MYO16: variants seen among roughly 807,000 people sequenced by gnomAD.
The protein encoded by MYO16 is unconventional myosin-XVI.
In MYO16, 94 loss-of-function variants were observed where a neutral mutation model predicts 205.3. The observed-to-expected ratio is 0.46, with a 90% CI of 0.39 to 0.54. The LOEUF is 0.54. Ranked by LOEUF, MYO16 falls within the 20% of genes least tolerant of loss-of-function variation. The pLI, the probability that MYO16 is intolerant of heterozygous loss-of-function variation, is 0.00. For synonymous variants in MYO16, 988 were observed against 954.0 expected, an observed-to-expected ratio of 1.04 and a Z score of -0.66; for missense variants, 2,315 against 2,387.5, an observed-to-expected ratio of 0.97 and a Z score of 0.63.
the MYO16 span, among the ~76,000 whole-genome samples, chr13:108,548,175 A>C: frequency 1.3e-5 from 2 of 151,998 alleles, no homozygotes; most frequent in East Asian, 3.9e-4. Flanking sequence ...TTACAAGTGT[A>C]CCATGGTGTA....
At chr13:108,776,231 C>T (rs1021484732) in intron 4 of MYO16, among the ~76,000 whole-genome samples, 3 of 152,114 alleles carry the variant, frequency 2.0e-5, no homozygotes, top group Non-Finnish European at 2.9e-5. Flanking sequence ...TGTTTTTATT[C>T]ATGGAGGCGA....
At chr13:108,580,550 C>G in the MYO16 span, among the ~76,000 whole-genome samples, 1 of 152,238 alleles carries the variant, frequency 6.6e-6, no homozygotes, top group South Asian at 2.1e-4. Flanking sequence ...GTAAAACTGA[C>G]ATATACACGT....
chr13:109,093,762 T>C (rs1399918526), intron 27 of MYO16, among the ~76,000 whole-genome samples: 2 of 152,168 alleles, frequency 1.3e-5, no homozygotes. Flanking sequence ...GCCATTGCCT[T>C]GGACCAATGC....
intron 31 of MYO16, among the ~76,000 whole-genome samples, chr13:109,138,388 A>G (rs982439733): frequency 2.6e-5 from 4 of 152,218 alleles, no homozygotes; most frequent in African/African-American, 9.6e-5. Context: ...TAAAATTAAC[A>G]TCTCTGTTAT....
At chr13:108,734,721 CA>C (rs1884633180) in intron 4 of MYO16, among the ~76,000 whole-genome samples, 1 of 152,218 alleles carries the variant, frequency 6.6e-6, no homozygotes, top group East Asian at 1.9e-4. Context: ...AGCATGGCAC[CA>C]GGGCACTCAG....
At chr13:108,626,649 C>A (rs892661736), upstream of MYO16, among the ~76,000 whole-genome samples, 1 of 151,584 alleles carries the variant, frequency 6.6e-6, no homozygotes, top group African/African-American at 2.4e-5. Flanking sequence ...ACTAAAACTA[C>A]AAAAATTAGC....
intron 1 of MYO16, among the ~76,000 whole-genome samples, chr13:108,632,292 G>T (rs17477607): frequency 0.17 from 26,097 of 151,970 alleles, 2,783 homozygotes; most frequent in Non-Finnish European, 0.24. Flanking sequence ...CCACATATCT[G>T]TCTTTCATTC....
intron 28 of MYO16, among the ~76,000 whole-genome samples, chr13:109,104,948 C>G (rs1889076853): frequency 6.6e-6 from 1 of 152,144 alleles, no homozygotes; most frequent in Non-Finnish European, 1.5e-5. Flanking sequence ...TTCTGTTACG[C>G]TTCAGATTGC....
At chr13:109,175,199 G>C (rs930317741) in intron 33 of MYO16, among the ~76,000 whole-genome samples, 1 of 152,182 alleles carries the variant, frequency 6.6e-6, no homozygotes. Flanking sequence ...GTGATGAGGA[G>C]GATGTCCTAA....
At chr13:109,013,301 CT>C (rs780120847) in intron 22 of MYO16, among the ~76,000 whole-genome samples, 2 of 151,932 alleles carry the variant, frequency 1.3e-5, no homozygotes. Flanking sequence ...TGAACTCATC[CT>C]TTTTTATGGC....
intron 1 of MYO16, among the ~76,000 whole-genome samples, chr13:108,619,349 C>T (rs897318321): frequency 6.6e-6 from 1 of 152,136 alleles, no homozygotes; most frequent in East Asian, 1.9e-4. Flanking sequence ...CTCTAAAATT[C>T]GGTTCCCTGC....
At chr13:109,038,004 AG>A (rs35036034) in intron 23 of MYO16, among the ~76,000 whole-genome samples, 15,162 of 152,296 alleles carry the variant, frequency 0.1, 1,015 homozygotes, top group Non-Finnish European at 0.14. Flanking sequence ...AGAGGAAAGT[AG>A]GGAGTACAAT....
chr13:108,698,018 C>T (rs189577832), intron 2 of MYO16, among the ~76,000 whole-genome samples: 18 of 152,254 alleles, frequency 1.2e-4, no homozygotes, highest in African/African-American at 3.6e-4. Context: ...CCACCGTGCC[C>T]GACCTCGCTC....
intron 27 of MYO16, among the ~76,000 whole-genome samples, chr13:109,086,638 A>G (rs796376899): frequency 9.2e-5 from 14 of 152,298 alleles, no homozygotes; most frequent in African/African-American, 3.1e-4. Flanking sequence ...ATTTGGACCT[A>G]TCCATCCAAT....
chr13:108,499,310 A>C, the MYO16 span, among the ~76,000 whole-genome samples: 1 of 152,232 alleles, frequency 6.6e-6, no homozygotes, highest in African/African-American at 2.4e-5. Flanking sequence ...TAAATTTCTA[A>C]GGACTGGCGA....
At chr13:108,526,130 C>A in the MYO16 span, among the ~76,000 whole-genome samples, 6 of 152,172 alleles carry the variant, frequency 3.9e-5, no homozygotes, top group Non-Finnish European at 7.4e-5. Context: ...TATTCTTTTT[C>A]TTGGAAGCAT....
At chr13:108,998,326 C>G (rs867338383) in intron 21 of MYO16, among the ~76,000 whole-genome samples, 8 of 152,130 alleles carry the variant, frequency 5.3e-5, no homozygotes, top group South Asian at 2.1e-4. Flanking sequence ...ATCTAGGATT[C>G]ATTCATTCAA....
At chr13:109,029,437 A>G (rs1384239173) in intron 23 of MYO16, among the ~76,000 whole-genome samples, 1 of 152,048 alleles carries the variant, frequency 6.6e-6, no homozygotes, top group Admixed American at 6.6e-5. Context: ...CTGTGTCAGG[A>G]ACACCTTTCA....
intron 1 of MYO16, among the ~76,000 whole-genome samples, chr13:108,633,343 A>G (rs985098733): frequency 6.6e-6 from 1 of 152,162 alleles, no homozygotes; most frequent in Non-Finnish European, 1.5e-5. Context: ...CCAAAATATC[A>G]AAAGTAGGAA....
Sources: allele counts gnomAD v4.1 joint callset (sites outside exome capture counted in the v4.1 genomes callset), GRCh38; gene constraint gnomAD v4.1.1; transcripts MANE v1.5; gene names NCBI Gene and HGNC (gene_info 2026-07-23, HGNC 2026-07-21).